Variants in EPM2A observed in about 807,000 individuals in gnomAD.
EPM2A encodes EPM2A glucan phosphatase, laforin.
EPM2A carries 21 observed loss-of-function variants against 26.5 expected under a neutral mutation model. That is an observed-to-expected ratio of 0.79 (90% CI 0.56 to 1.14). The LOEUF is 1.14. EPM2A is among the 50% of genes most tolerant of loss of function. The pLI, the probability that EPM2A is intolerant of heterozygous loss-of-function variation, is 0.00. For synonymous variants in EPM2A, 217 were observed against 177.6 expected (o/e 1.22, Z -1.76); for missense variants, 458 against 440.8 (o/e 1.04, Z -0.35).
At chr6:145,564,696 G>A (rs1438372662) in intron 2 of EPM2A, among the ~76,000 whole-genome samples, 1 of 147,226 alleles carries the variant, frequency 6.8e-6, no homozygotes, top group Non-Finnish European at 1.5e-5. Context: ...TCAGGCTATT[G>A]GCCTTCTGCT....
intron 2 of EPM2A, among the ~76,000 whole-genome samples, chr6:145,563,050 G>A (rs536349335): frequency 3.9e-5 from 6 of 151,962 alleles, no homozygotes; most frequent in South Asian, 2.1e-4. Flanking sequence ...TCAGTGGAGA[G>A]CAAGGCAGAC....
intron 4 of EPM2A, among the ~76,000 whole-genome samples, chr6:145,479,317 GTA>G (rs146664619): frequency 1.4e-4 from 21 of 145,320 alleles, no homozygotes; most frequent in South Asian, 2.1e-4. Flanking sequence ...ATATATATGT[GTA>G]TATATATATA....
chr6:145,564,134 C>T (rs1002791840), intron 2 of EPM2A, among the ~76,000 whole-genome samples: 7 of 152,082 alleles, frequency 4.6e-5, no homozygotes, highest in African/African-American at 1.7e-4. Flanking sequence ...AATGTCTGTA[C>T]CTGTTTAGTG....
At chr6:145,553,481 C>T (rs959036930) in intron 2 of EPM2A, among the ~76,000 whole-genome samples, 2 of 152,046 alleles carry the variant, frequency 1.3e-5, no homozygotes, top group African/African-American at 4.8e-5. Context: ...GATGGAAGGA[C>T]ATTTGTGCTG....
chr6:145,417,931 C>T (rs956422997), intron 4 of EPM2A, among the ~76,000 whole-genome samples: 1 of 152,164 alleles, frequency 6.6e-6, no homozygotes, highest in Admixed American at 6.5e-5. Flanking sequence ...TCCCTTCCAC[C>T]TGGACCCCAT....
intron 2 of EPM2A, among the ~76,000 whole-genome samples, chr6:145,613,189 C>T (rs2096202): frequency 0.015 from 2,226 of 152,300 alleles, 28 homozygotes; most frequent in Middle Eastern, 0.034. Context: ...TTGTTAACAT[C>T]GCAGGAAACC....
chr6:145,483,957 C>T (rs1480266835), intron 4 of EPM2A, among the ~76,000 whole-genome samples: 1 of 152,130 alleles, frequency 6.6e-6, no homozygotes, highest in Non-Finnish European at 1.5e-5. Flanking sequence ...GAAGTTAATA[C>T]ATCTAACAAA....
At chr6:145,588,310 C>T (rs189953802) in intron 2 of EPM2A, among the ~76,000 whole-genome samples, 1 of 152,166 alleles carries the variant, frequency 6.6e-6, no homozygotes, top group East Asian at 1.9e-4. Flanking sequence ...ACTTTAGAGG[C>T]CTGTTTATTC....
chr6:145,390,144 G>T (rs2114656599), intron 4 of EPM2A, among the ~76,000 whole-genome samples: 1 of 152,168 alleles, frequency 6.6e-6, no homozygotes, highest in Middle Eastern at 3.4e-3. Context: ...ACAACTGATT[G>T]GACACCTAAG....
intron 4 of EPM2A, among the ~76,000 whole-genome samples, chr6:145,408,202 T>G (rs1403081929): frequency 6.6e-6 from 1 of 152,146 alleles, no homozygotes; most frequent in Admixed American, 6.6e-5. Context: ...AACACTGCAT[T>G]TTGAGTGAGG....
intron 2 of EPM2A, among the ~76,000 whole-genome samples, chr6:145,563,045 G>A (rs1780830035): frequency 6.6e-6 from 1 of 151,798 alleles, no homozygotes; most frequent in Non-Finnish European, 1.5e-5. Flanking sequence ...GGCTTTCAGT[G>A]GAGAGCAAGG....
At chr6:145,702,467 C>CA (rs780451711) in intron 1 of EPM2A, among the ~76,000 whole-genome samples, 7 of 148,810 alleles carry the variant, frequency 4.7e-5, no homozygotes, top group African/African-American at 1.0e-4. Context: ...TTCTTATTTG[C>CA]AAAAAGAAGA....
chr6:145,627,533 C>G lies in EPM2A; in HGVS notation c.879G>C (p.Gln293His). ...YVMGWNLRKV[Q>H]YFLMAKRPAV... The stretch of plus-strand genomic sequence containing the variant: ...CCGGCCTCTTGGCCATGAGGAAATA[C>G]TGCACCTTCCTCAGATTCCAGCCCA... Residue 293 changes from glutamine (Q) to histidine (H), a missense_variant, in exon 4 of 4, where the codon CAG becomes CAC. Gln to His is a conservative substitution (Grantham distance 24, BLOSUM62 0). Transcript: ENST00000367519. The G allele has an allele frequency of 6.2e-7, 1 of 1,614,240 alleles. No homozygotes were observed. The highest frequency in any genetic ancestry group is 1.1e-5 in the South Asian group (1 of 91,088).
chr6:145,538,617 C>A (rs777411339), intron 2 of EPM2A, among the ~76,000 whole-genome samples: 3 of 152,228 alleles, frequency 2.0e-5, no homozygotes, highest in Non-Finnish European at 4.4e-5. Context: ...CCAACATATA[C>A]TAAACAAGTA....
At chr6:145,468,632 C>CA (rs11408974) in intron 4 of EPM2A, among the ~76,000 whole-genome samples, 98,100 of 151,812 alleles carry the variant, frequency 0.65, 32,282 homozygotes, top group East Asian at 0.82. Flanking sequence ...AAAATCAAAT[C>CA]AAAAAGATTG....
intron 1 of EPM2A, among the ~76,000 whole-genome samples, chr6:145,709,892 G>A (rs1309477397): frequency 2.0e-5 from 3 of 152,108 alleles, no homozygotes; most frequent in Admixed American, 6.5e-5. Context: ...AATAAATGGT[G>A]CTGGGAAAAA....
At chr6:145,468,165 G>A (rs1270342170) in intron 4 of EPM2A, among the ~76,000 whole-genome samples, 2 of 151,948 alleles carry the variant, frequency 1.3e-5, no homozygotes, top group African/African-American at 4.8e-5. Context: ...CTATATGATA[G>A]CCTTTCACAG....
At chr6:145,668,453 T>C (rs980062399) in intron 2 of EPM2A, among the ~76,000 whole-genome samples, 5 of 152,222 alleles carry the variant, frequency 3.3e-5, no homozygotes, top group Admixed American at 6.5e-5. Context: ...TATCTAGACT[T>C]ATATGGAATA....
chr6:145,521,757 T>C (rs1444876472), intron 2 of EPM2A, among the ~76,000 whole-genome samples: 1 of 152,136 alleles, frequency 6.6e-6, no homozygotes, highest in African/African-American at 2.4e-5. Flanking sequence ...GCTGGAAATA[T>C]AGGAAGTAGT....
Sources: allele counts gnomAD v4.1 joint callset (sites outside exome capture counted in the v4.1 genomes callset), GRCh38; gene constraint gnomAD v4.1.1; transcripts MANE v1.5; gene names NCBI Gene and HGNC (gene_info 2026-07-23, HGNC 2026-07-21).